Variants in CAPS2 observed in about 807,000 individuals in gnomAD.
CAPS2 encodes calcyphosine 2.
In CAPS2, 98 loss-of-function variants were observed where a neutral mutation model predicts 86.5. The observed-to-expected ratio is 1.13, with a 90% confidence interval of 0.96 to 1.34. CAPS2 has a LOEUF of 1.34. Among genes scored for constraint, CAPS2 ranks in the 40% most tolerant of loss-of-function variants. The pLI is 0.00. For missense variants in CAPS2, 729 were observed against 686.8 expected, an observed-to-expected ratio of 1.06 and a Z score of -0.69; for synonymous variants, 210 against 225.1, an observed-to-expected ratio of 0.93 and a Z score of 0.60.
intron 1 of CAPS2, chr12:75,360,065 C>T (rs1401225745): frequency 6.6e-6 from 1 of 152,112 alleles, no homozygotes; most frequent in Non-Finnish European, 1.5e-5. Context: ...AGAACTCACT[C>T]ACTATCATGA....
At chr12:75,282,188 A>G in intron 16 of CAPS2, 63 bp downstream of exon 16, 1 of 917,038 alleles carries the variant, frequency 1.1e-6, no homozygotes, top group East Asian at 2.5e-5. Context: ...AATTAATATA[A>G]AGATATTATC....
intron 8 of CAPS2, among the ~76,000 whole-genome samples, chr12:75,301,868 T>C (rs913125690): frequency 6.6e-6 from 1 of 152,212 alleles, no homozygotes; most frequent in African/African-American, 2.4e-5. Flanking sequence ...CAATTGCTTT[T>C]AGGAACCCAA....
At chr12:75,304,758 T>C in exon 8 of CAPS2, 1 of 1,573,864 alleles carries the variant, frequency 6.4e-7, no homozygotes, top group South Asian at 1.2e-5. Context: ...TCTTCTTACT[T>C]TGTTTCATGT....
chr12:75,374,308 C>T (rs188111478), intron 1 of CAPS2, among the ~76,000 whole-genome samples: 51 of 152,290 alleles, frequency 3.3e-4, no homozygotes, highest in African/African-American at 1.1e-3. Flanking sequence ...GACAGATGGG[C>T]CAGAGTAACA....
chr12:75,312,077 A>T (rs1279158637), intron 7 of CAPS2, among the ~76,000 whole-genome samples: 1 of 152,136 alleles, frequency 6.6e-6, no homozygotes, highest in Non-Finnish European at 1.5e-5. Flanking sequence ...GATTATTCCA[A>T]CCTCTTCAGA....
exon 17 of CAPS2, chr12:75,278,601 A>G (rs2033312766): frequency 9.4e-7 from 1 of 1,065,892 alleles, no homozygotes; most frequent in South Asian, 4.5e-5. Context: ...GACCTCTAAA[A>G]TATACGCAAG....
intron 1 of CAPS2, among the ~76,000 whole-genome samples, chr12:75,365,479 T>C (rs1207933339): frequency 6.6e-6 from 1 of 152,186 alleles, no homozygotes; most frequent in Non-Finnish European, 1.5e-5. Flanking sequence ...TTTTACCTTC[T>C]TTTGCATATA....
At chr12:75,312,851 G>C (rs1246472516) in exon 7 of CAPS2, 1 of 1,560,998 alleles carries the variant, frequency 6.4e-7, no homozygotes, top group South Asian at 1.1e-5. Context: ...TTCTCACCTA[G>C]ATAAGTGGTC....
rs201779543 is a variant in CAPS2 at position 75,297,048 on chromosome 12, CTCTT to C, written c.1044+1635_1044+1638del. 1.7e-3 allele frequency among the ~76,000 whole-genome samples: 256 copies of C among 152,242 alleles called. 2 individuals are homozygous for C. Among genetic ancestry groups the C allele is most frequent in the African/African-American group, 5.0e-3 (207 of 41,550 alleles). On this transcript the variant is annotated intron_variant, in intron 11 of 16. Transcript: ENST00000393284. ...AGCTGGCTGAATTTCTTTCCTTTCT[CTCTT>C]TCTTTCTTTCTTTTTTTCTTTCTTT...
chr12:75,384,956 C>A (rs1047192351), intron 1 of CAPS2, among the ~76,000 whole-genome samples: 2 of 152,084 alleles, frequency 1.3e-5, no homozygotes, highest in Non-Finnish European at 2.9e-5. Context: ...CATGAATGAA[C>A]CAATACATTC....
chr12:75,364,234 C>T (rs907294982), intron 1 of CAPS2, among the ~76,000 whole-genome samples: 1 of 152,198 alleles, frequency 6.6e-6, no homozygotes, highest in South Asian at 2.1e-4. Flanking sequence ...CTGACCTCCC[C>T]TTTCCCATCA....
At chr12:75,355,552 T>C (rs891026496) in intron 1 of CAPS2, among the ~76,000 whole-genome samples, 1 of 152,148 alleles carries the variant, frequency 6.6e-6, no homozygotes, top group Admixed American at 6.6e-5. Context: ...AGTCAAACCA[T>C]TGTAGAAGAC....
chr12:75,306,202 C>T (rs920893599), intron 7 of CAPS2: 15 of 732,814 alleles, frequency 2.0e-5, no homozygotes, highest in Non-Finnish European at 2.8e-5. Flanking sequence ...CGTGGAGCAG[C>T]TGGTGTTCCC....
At chr12:75,377,215 C>A (rs1010379200) in intron 1 of CAPS2, among the ~76,000 whole-genome samples, 18 of 152,120 alleles carry the variant, frequency 1.2e-4, no homozygotes, top group African/African-American at 4.3e-4. Flanking sequence ...CCAGAAACCC[C>A]AAAACCAACT....
chr12:75,350,773 G>C (rs1258483048), intron 1 of CAPS2, among the ~76,000 whole-genome samples: 3 of 152,174 alleles, frequency 2.0e-5, no homozygotes, highest in Non-Finnish European at 2.9e-5. Flanking sequence ...AACTCAAAAA[G>C]CCAGAGTGTC....
At chr12:75,305,089 C>T (rs900626410) in intron 7 of CAPS2, 6 of 374,738 alleles carry the variant, frequency 1.6e-5, no homozygotes, top group Non-Finnish European at 2.7e-5. Flanking sequence ...CAAAACGGAA[C>T]TGAAATTTCG....
At chr12:75,358,836 A>T (rs2043340810) in intron 1 of CAPS2, among the ~76,000 whole-genome samples, 1 of 144,168 alleles carries the variant, frequency 6.9e-6, no homozygotes, top group Non-Finnish European at 1.5e-5. Context: ...AATATATAAC[A>T]ATATATAATA....
intron 1 of CAPS2, chr12:75,359,805 T>C (rs937990071): frequency 1.3e-5 from 2 of 152,170 alleles, no homozygotes; most frequent in East Asian, 1.9e-4. Context: ...TCTATACAAC[T>C]ACAAAAATTA....
intron 1 of CAPS2, among the ~76,000 whole-genome samples, chr12:75,340,221 G>A (rs766426122): frequency 6.0e-5 from 9 of 151,074 alleles, no homozygotes; most frequent in African/African-American, 1.5e-4. Context: ...CATTTAGACC[G>A]TTTCCATATT....
Sources: allele counts gnomAD v4.1 joint callset (sites outside exome capture counted in the v4.1 genomes callset), GRCh38; gene constraint gnomAD v4.1.1; transcripts MANE v1.5; gene names NCBI Gene and HGNC (gene_info 2026-07-23, HGNC 2026-07-21).